ACLY: variants seen among roughly 807,000 people sequenced by gnomAD.
ACLY encodes ATP citrate lyase.
In ACLY, 41 loss-of-function variants were observed where a neutral mutation model predicts 133.0. That is an observed-to-expected ratio of 0.31 (90% CI 0.24 to 0.40). ACLY has a LOEUF of 0.40. Ranked by LOEUF, ACLY falls within the 10% of genes least tolerant of loss-of-function variation. ACLY has a pLI of 1.00. For synonymous variants in ACLY, 495 were observed against 549.3 expected, an observed-to-expected ratio of 0.90 and a Z score of 1.38; for missense variants, 1,046 against 1,453.8, an observed-to-expected ratio of 0.72 and a Z score of 4.56.
At chr17:41,868,019 G>A (rs2048506346) in intron 28 of ACLY, 115 bp from the exon 29 acceptor site, 1 of 665,412 alleles carries the variant, frequency 1.5e-6, no homozygotes, top group African/African-American at 1.9e-5. Flanking sequence ...AAAGCAGTGG[G>A]AAGTTTAGTC....
intron 17 of ACLY, 139 bp from the exon 18 acceptor site, chr17:41,886,447 A>C (rs782493058): frequency 5.1e-5 from 42 of 819,062 alleles, no homozygotes; most frequent in Non-Finnish European, 7.7e-5. Flanking sequence ...ACACTTGCCC[A>C]CTGGGTTTCC....
intron 11 of ACLY, among the ~76,000 whole-genome samples, chr17:41,900,372 A>G (rs2049502788): frequency 3.2e-5 from 1 of 30,836 alleles, no homozygotes; most frequent in Non-Finnish European, 9.5e-5. Flanking sequence ...CAAAATAAAA[A>G]AAAAAGAAAA....
Position 41,878,149 on chromosome 17 carries a change from TG to T in ACLY, c.2440del (p.Gln814ArgfsTer20). On this transcript the variant is annotated frameshift_variant, in exon 22 of 29. Transcript: ENST00000352035. LOFTEE classifies it high-confidence loss of function. ...LVANGVIVPA[Q>X]EVPPPTVPMD... ...GGGCACGGTTGGGGGCGGCACCTCC[TG>T]GGCAGGTACAATGACTCCATTGGCC... The T allele has an allele frequency of 6.3e-7, 1 of 1,596,592 alleles. No individual in the cohort carries two copies. The highest frequency in any genetic ancestry group is 8.5e-7 in the Non-Finnish European group (1 of 1,171,730).
intron 27 of ACLY, 71 bp downstream of exon 27, chr17:41,868,972 A>T: frequency 7.0e-7 from 1 of 1,437,006 alleles, no homozygotes; most frequent in Non-Finnish European, 9.7e-7. Context: ...AGTATGCATT[A>T]CTTTTATAGT....
At chr17:41,869,249 T>C (rs1358127224) in intron 26 of ACLY, 124 bp from the exon 27 acceptor site, 1 of 934,616 alleles carries the variant, frequency 1.1e-6, no homozygotes, top group East Asian at 2.5e-5. Context: ...CCAGCCCCAC[T>C]GGTCGACACT....
Position 41,904,118 on chromosome 17 carries a change from A to G in ACLY, c.1065+611T>C, listed in dbSNP as rs1244243264. On this transcript the variant is annotated intron_variant, in intron 10 of 28. Coordinates refer to ENST00000352035, the MANE Select transcript of ACLY (RefSeq NM_001096.3). Reference sequence around the variant, plus strand: ...AACAACAAGAGTGAAACTCCATGGAAGGAAGAAAGGAAGGGAGGGAAGGAG... The same window carrying G: ...AACAACAAGAGTGAAACTCCATGGAGGGAAGAAAGGAAGGGAGGGAAGGAG... Among the ~76,000 whole-genome samples the G allele has an allele frequency of 2.8e-5, 4 of 144,600 alleles. No homozygotes were observed. In the Admixed American group the frequency reaches 2.8e-4, roughly 10 times the overall value. The allele number at this position is 144,600 out of a possible 152,430, so 94.9% of individuals were successfully genotyped here.
chr17:41,878,061 A>G, intron 22 of ACLY, 42 bp downstream of exon 22: 1 of 1,387,208 alleles, frequency 7.2e-7, no homozygotes, highest in Non-Finnish European at 9.6e-7. Flanking sequence ...AGACCCACAG[A>G]TCTCCCTTGC....
chr17:41,897,539 C>T (rs1440957417), intron 13 of ACLY, among the ~76,000 whole-genome samples: 2 of 152,110 alleles, frequency 1.3e-5, no homozygotes, highest in African/African-American at 2.4e-5. Context: ...TTGAGGCGAC[C>T]AGGCACGGCG....
At chr17:41,922,680 G>GT (rs2050197096), upstream of ACLY, among the ~76,000 whole-genome samples, 1 of 152,168 alleles carries the variant, frequency 6.6e-6, no homozygotes, top group Non-Finnish European at 1.5e-5. Context: ...CTTCATTGCT[G>GT]TATTTCTAGC....
chr17:41,898,499 CCA>C, intron 12 of ACLY, 130 bp downstream of exon 12: 2 of 1,255,770 alleles, frequency 1.6e-6, no homozygotes, highest in Non-Finnish European at 2.1e-6. Context: ...TGGCAGAGAT[CCA>C]CAAACCAACC....
At chr17:41,909,426 C>T (rs1555633226) in intron 5 of ACLY, 84 bp downstream of exon 5, 2 of 1,464,380 alleles carry the variant, frequency 1.4e-6, no homozygotes, top group African/African-American at 1.4e-5. Context: ...GAGAGGAGAC[C>T]GCTCTGCTCT....
intron 1 of ACLY, among the ~76,000 whole-genome samples, chr17:41,914,830 G>C (rs2050009233): frequency 6.6e-6 from 1 of 152,156 alleles, no homozygotes; most frequent in Non-Finnish European, 1.5e-5. Flanking sequence ...AGTGAGCTAT[G>C]ATTGCACCGC....
chr17:41,909,360 G>C, intron 5 of ACLY, 150 bp downstream of exon 5: 3 of 845,550 alleles, frequency 3.5e-6, no homozygotes, highest in Non-Finnish European at 5.6e-6. Flanking sequence ...GCCAGTCCCC[G>C]CCCTGCACCC....
upstream of ACLY, among the ~76,000 whole-genome samples, chr17:41,921,895 G>T (rs1360371663): frequency 1.3e-5 from 2 of 152,144 alleles, no homozygotes; most frequent in African/African-American, 4.8e-5. Flanking sequence ...AGCCCAGGAG[G>T]TCAAAGACGC....
At chr17:41,911,249 C>G (rs2049892991) in intron 3 of ACLY, among the ~76,000 whole-genome samples, 1 of 152,112 alleles carries the variant, frequency 6.6e-6, no homozygotes. Flanking sequence ...CTCGAGGCAG[C>G]CAAGGAAGAG....
At chr17:41,900,067 T>G (rs1436299973) in intron 11 of ACLY, among the ~76,000 whole-genome samples, 1 of 8,806 alleles carries the variant, frequency 1.1e-4, no homozygotes, top group African/African-American at 2.1e-4. Context: ...AGACCCTGTC[T>G]CCAAAAAAAA....
rs1291565009 is a variant in ACLY, at chr17:41,912,461, C to A, written c.241G>T (p.Val81Phe). 3 of 1,614,116 alleles carry A rather than the reference C, an allele frequency of 1.9e-6. No individual in the cohort carries two copies. The highest frequency in any genetic ancestry group is 1.3e-5 in the African/African-American group (1 of 74,936). Residue 81 changes from valine (V) to phenylalanine (F), a missense_variant, in exon 3 of 29, where the codon GTC (valine) becomes TTC (phenylalanine). Val to Phe is a conservative substitution (Grantham distance 50). This residue lies in a region of ACLY where 227 missense variants were observed against 245.6 expected (regional missense o/e 0.92). Transcript: ENST00000352035. ...LVGVNLTLDG[V>F]KSWLKPRLGQ... ...AGCCGTGGCTTCAGCCAGGACTTGA[C>A]CCCATCCAGAGTGAGGTTGACCCCA...
intron 22 of ACLY, among the ~76,000 whole-genome samples, chr17:41,875,428 GTCTCCCTCTCCCTCTCCCCACGGTCTCCC>G (rs1567885455): frequency 6.9e-6 from 1 of 145,494 alleles, no homozygotes; most frequent in East Asian, 2.0e-4. Context: ...TCTCCCCACG[GTCTCCCTCTCCCTCTCCCCACGGTCTCCC>G]TCTCCCTCTC....
At chr17:41,913,685 A>G (rs1192079684) in intron 2 of ACLY, 30 bp downstream of exon 2, 6 of 1,608,654 alleles carry the variant, frequency 3.7e-6, no homozygotes, top group Non-Finnish European at 5.1e-6. Flanking sequence ...CGGGCCTGGA[A>G]GAAAGGCCCA....
Sources: allele counts gnomAD v4.1 joint callset (sites outside exome capture counted in the v4.1 genomes callset), GRCh38; gene constraint gnomAD v4.1.1; regional missense constraint gnomAD v4.1.1; transcripts MANE v1.5; gene names NCBI Gene and HGNC (gene_info 2026-07-23, HGNC 2026-07-21).